Variants in NLGN1 observed in about 807,000 individuals in gnomAD.
NLGN1 encodes neuroligin 1, also known as neuroligin-1.
In NLGN1, 12 loss-of-function variants were observed where a neutral mutation model predicts 65.5. The ratio of observed to expected loss-of-function variants is 0.18; its 90% CI spans 0.12 to 0.30. NLGN1 has a LOEUF of 0.30. NLGN1 is among the 10% of genes least tolerant of loss of function. The pLI is 1.00. For missense variants in NLGN1, 750 were observed against 1,007.1 expected (o/e 0.74, Z 3.46); for synonymous variants, 350 against 359.5 (o/e 0.97, Z 0.30).
At chr3:173,640,051 C>A (rs575698640) in intron 3 of NLGN1, among the ~76,000 whole-genome samples, 1 of 152,220 alleles carries the variant, frequency 6.6e-6, no homozygotes, top group African/African-American at 2.4e-5. Flanking sequence ...CTTTTAAAAT[C>A]ACCTATCTAC....
chr3:174,230,480 T>C (rs1182541147), intron 4 of NLGN1, among the ~76,000 whole-genome samples: 2 of 152,208 alleles, frequency 1.3e-5, no homozygotes, highest in Admixed American at 1.3e-4. Flanking sequence ...AAAGTTGTAA[T>C]ATTTACCTAT....
intron 3 of NLGN1, among the ~76,000 whole-genome samples, chr3:173,648,516 A>G (rs1243064289): frequency 6.6e-6 from 1 of 152,192 alleles, no homozygotes; most frequent in African/African-American, 2.4e-5. Context: ...ACAGATGGGA[A>G]TGTAAAATGA....
intron 3 of NLGN1, among the ~76,000 whole-genome samples, chr3:173,686,610 C>G (rs1014069193): frequency 5.9e-5 from 9 of 152,012 alleles, no homozygotes; most frequent in African/African-American, 2.2e-4. Flanking sequence ...TCCATGCTTC[C>G]CCCAGCCATA....
intron 4 of NLGN1, among the ~76,000 whole-genome samples, chr3:174,152,510 C>T (rs989823781): frequency 1.3e-5 from 2 of 151,704 alleles, no homozygotes; most frequent in South Asian, 2.1e-4. Context: ...GTCAGGGGAG[C>T]GGGGAGGGAT....
chr3:173,864,171 G>A (rs1729671000), intron 4 of NLGN1, among the ~76,000 whole-genome samples: 1 of 152,068 alleles, frequency 6.6e-6, no homozygotes, highest in Non-Finnish European at 1.5e-5. Flanking sequence ...ATGATAATAT[G>A]CCCCTTAGTT....
At chr3:174,192,544 T>C (rs1185542157) in intron 4 of NLGN1, among the ~76,000 whole-genome samples, 1 of 152,190 alleles carries the variant, frequency 6.6e-6, no homozygotes, top group Non-Finnish European at 1.5e-5. Flanking sequence ...TCAGTAAGTT[T>C]CCACTTTGTG....
chr3:173,397,635 C>G (rs530375518), upstream of NLGN1: 2 of 153,296 alleles, frequency 1.3e-5, no homozygotes, highest in East Asian at 3.8e-4. Context: ...TCAGTCCCCC[C>G]ACCCGCGGCT....
At chr3:173,539,584 ATATATGT>A (rs956141059) in intron 2 of NLGN1, among the ~76,000 whole-genome samples, 8 of 139,838 alleles carry the variant, frequency 5.7e-5, no homozygotes, top group Non-Finnish European at 1.2e-4. Context: ...ATGTTATGTT[ATATATGT>A]TATATAATAT....
intron 3 of NLGN1, among the ~76,000 whole-genome samples, chr3:173,666,272 G>A (rs537856572): frequency 5.9e-5 from 9 of 152,134 alleles, no homozygotes; most frequent in Admixed American, 2.6e-4. Flanking sequence ...CATTGATGTA[G>A]ATAAATATAA....
chr3:174,194,568 C>G (rs1000579256), intron 4 of NLGN1, among the ~76,000 whole-genome samples: 12 of 151,506 alleles, frequency 7.9e-5, no homozygotes, highest in African/African-American at 2.9e-4. Context: ...GTTAAACAAA[C>G]CCAGATGTAC....
At chr3:173,973,808 A>G (rs1033083217) in intron 4 of NLGN1, among the ~76,000 whole-genome samples, 1 of 152,092 alleles carries the variant, frequency 6.6e-6, no homozygotes, top group Non-Finnish European at 1.5e-5. Context: ...CAGACGAGCC[A>G]TGGTAGTTTT....
At chr3:173,706,218 T>C (rs1768019865) in intron 3 of NLGN1, among the ~76,000 whole-genome samples, 1 of 152,226 alleles carries the variant, frequency 6.6e-6, no homozygotes, top group Non-Finnish European at 1.5e-5. Context: ...ATTTTATCTA[T>C]TTAAATGGAG....
chr3:173,767,046 A>T (rs529581408), intron 3 of NLGN1, among the ~76,000 whole-genome samples: 1 of 152,186 alleles, frequency 6.6e-6, no homozygotes, highest in African/African-American at 2.4e-5. Context: ...ATTACAATGT[A>T]TCCTGAGAGG....
intron 4 of NLGN1, among the ~76,000 whole-genome samples, chr3:174,169,188 G>A (rs569247520): frequency 7.9e-5 from 12 of 152,100 alleles, no homozygotes; most frequent in Non-Finnish European, 1.3e-4. Flanking sequence ...TGCTGAGCAT[G>A]TAGCAGAGAG....
intron 4 of NLGN1, among the ~76,000 whole-genome samples, chr3:174,047,399 A>G (rs144111907): frequency 3.9e-4 from 60 of 152,202 alleles, no homozygotes; most frequent in African/African-American, 1.4e-3. Context: ...TGTAATTGAG[A>G]TGGTGACTGA....
chr3:173,613,398 C>T (rs913601801), intron 3 of NLGN1, among the ~76,000 whole-genome samples: 5 of 152,204 alleles, frequency 3.3e-5, no homozygotes, highest in African/African-American at 1.2e-4. Flanking sequence ...CTGTGCCCTC[C>T]TGAGAAGTTC....
chr3:173,461,712 A>T (rs900691338), intron 2 of NLGN1, among the ~76,000 whole-genome samples: 2 of 152,266 alleles, frequency 1.3e-5, no homozygotes, highest in Admixed American at 6.5e-5. Context: ...AACTAGAAAG[A>T]TTATCTCTCT....
intron 4 of NLGN1, among the ~76,000 whole-genome samples, chr3:173,812,579 A>C (rs1718169258): frequency 6.6e-6 from 1 of 151,738 alleles, no homozygotes; most frequent in Non-Finnish European, 1.5e-5. Context: ...AATTTTCAAA[A>C]AATTAGCCAG....
At chr3:173,779,528 A>G (rs1780815046) in intron 3 of NLGN1, among the ~76,000 whole-genome samples, 1 of 152,034 alleles carries the variant, frequency 6.6e-6, no homozygotes, top group Non-Finnish European at 1.5e-5. Flanking sequence ...GTAATACATC[A>G]AATCCTGGGC....
Sources: gnomAD v4.1 joint callset for allele counts (sites outside exome capture counted in the v4.1 genomes callset) on GRCh38, gnomAD v4.1.1 for gene constraint, MANE v1.5 for transcripts, NCBI Gene and HGNC (gene_info 2026-07-23, HGNC 2026-07-21) for gene names.